Variants in RGPD3 observed in about 807,000 individuals in gnomAD.
The protein encoded by RGPD3 is RANBP2 like and GRIP domain containing 3, also known as ranBP2-like and GRIP domain-containing protein 3.
A neutral mutation model predicts 154.5 loss-of-function variants in RGPD3; 62 were observed. The observed-to-expected ratio is 0.40, with a 90% CI of 0.33 to 0.50. The LOEUF is 0.50. RGPD3 is among the 20% of genes least tolerant of loss of function. RGPD3 has a pLI of 0.59. For synonymous variants in RGPD3, 308 were observed against 607.0 expected, an observed-to-expected ratio of 0.51 and a Z score of 7.24; for missense variants, 919 against 1,716.8, an observed-to-expected ratio of 0.54 and a Z score of 8.21.
At chr2:106,438,690 T>C (rs1465728516) in intron 9 of RGPD3, among the ~76,000 whole-genome samples, 1 of 151,742 alleles carries the variant, frequency 6.6e-6, no homozygotes, top group African/African-American at 2.4e-5. Context: ...ACTGAGGCAG[T>C]AGAATTACTT....
At chr2:106,415,823 T>C (rs6543411) in intron 21 of RGPD3, 27 bp downstream of exon 21, 1,307,224 of 1,610,792 alleles carry the variant, frequency 0.81, 532,305 homozygotes, top group East Asian at 1. Context: ...TGGCAGTTTT[T>C]ATGGTGGCCA....
intron 7 of RGPD3, among the ~76,000 whole-genome samples, chr2:106,444,815 A>C (rs1677857615): frequency 2.0e-5 from 3 of 148,958 alleles, no homozygotes; most frequent in Non-Finnish European, 3.0e-5. Flanking sequence ...AGCACCTCCC[A>C]AAACTACATA....
chr2:106,412,321 T>TTTTG (rs1676699510), intron 22 of RGPD3, among the ~76,000 whole-genome samples: 2 of 100,026 alleles, frequency 2.0e-5, no homozygotes, highest in African/African-American at 3.5e-5. Context: ...TTTTTTTTTT[T>TTTTG]TTTTTTTTTT....
chr2:106,411,632 T>C (rs1676674412), intron 22 of RGPD3, among the ~76,000 whole-genome samples: 2 of 150,930 alleles, frequency 1.3e-5, no homozygotes, highest in Non-Finnish European at 3.0e-5. Flanking sequence ...ATTGAGACCA[T>C]CCTGGCCAAC....
chr2:106,422,826 G>C (rs1232632515), intron 20 of RGPD3, among the ~76,000 whole-genome samples: 2 of 151,822 alleles, frequency 1.3e-5, no homozygotes, highest in Non-Finnish European at 2.9e-5. Flanking sequence ...CATGATAGAA[G>C]TATCTTCCAG....
intron 1 of RGPD3, 37 bp downstream of exon 1, chr2:106,468,180 C>T (rs1678702049): frequency 1.3e-6 from 2 of 1,577,578 alleles, no homozygotes. Context: ...GCCGCCCGGC[C>T]AGGTCGAGGC....
At chr2:106,410,207 G>C (rs113017590) in intron 22 of RGPD3, among the ~76,000 whole-genome samples, 1 of 151,996 alleles carries the variant, frequency 6.6e-6, no homozygotes, top group South Asian at 2.1e-4. Context: ...AAAATGTAAG[G>C]TATCTAAATC....
At chr2:106,409,616 A>G (rs534589442) in intron 22 of RGPD3, among the ~76,000 whole-genome samples, 18 of 151,948 alleles carry the variant, frequency 1.2e-4, no homozygotes, top group African/African-American at 4.3e-4. Flanking sequence ...CTCTTATGTG[A>G]CTAGAAGTAG....
intron 20 of RGPD3, among the ~76,000 whole-genome samples, chr2:106,417,997 C>A (rs1676866814): frequency 6.8e-6 from 1 of 146,378 alleles, no homozygotes; most frequent in African/African-American, 2.5e-5. Flanking sequence ...GGCACAGTGG[C>A]AGGTGCCTGT....
Position 106,415,800 on chromosome 2 carries a change from C to T in RGPD3, c.5064+50G>A, listed in dbSNP as rs1384321908. The stretch of plus-strand genomic sequence containing the variant: ...CTTGGGTACATGTGTATGGAGGGTC[C>T]AGAAAACCAAACTGGCAGTTTTTAT... On this transcript the variant is annotated intron_variant, in intron 21 of 22. Transcript: ENST00000409886. The T allele has an allele frequency of 2.5e-6, 4 of 1,610,822 alleles. No homozygotes were observed. In the African/African-American group the frequency reaches 4.0e-5, roughly 16 times the overall value.
chr2:106,465,096 C>G (rs1028060142), intron 1 of RGPD3, among the ~76,000 whole-genome samples: 1 of 151,484 alleles, frequency 6.6e-6, no homozygotes, highest in African/African-American at 2.4e-5. Context: ...GACGCATCAT[C>G]ACACTCCAAA....
rs559737490 is a variant in RGPD3 at position 106,404,204 on chromosome 2, C to G, written c.*1015G>C. Among the ~76,000 whole-genome samples the G allele has an allele frequency of 5.3e-3, 798 of 150,236 alleles. 19 individuals carry two copies. The highest frequency in any genetic ancestry group is 0.019 in the African/African-American group (756 of 39,832). On this transcript the variant is annotated 3_prime_UTR_variant, in exon 23 of 23. Transcript: ENST00000409886. The stretch of plus-strand genomic sequence containing the variant: ...GATTCAATGCTGAGTGATATAGTCA[C>G]TGTTGGGATAGGTTTTTATTTGGGA...
At chr2:106,420,336 G>C (rs1275055897) in intron 20 of RGPD3, among the ~76,000 whole-genome samples, 1 of 151,038 alleles carries the variant, frequency 6.6e-6, no homozygotes, top group African/African-American at 2.4e-5. Flanking sequence ...AATGCAAAGG[G>C]CAAAAAATTA....
intron 3 of RGPD3, 105 bp from the exon 4 acceptor site, chr2:106,457,228 C>A (rs1387570777): frequency 6.7e-7 from 1 of 1,485,134 alleles, no homozygotes; most frequent in Non-Finnish European, 8.9e-7. Context: ...ATTATCACTC[C>A]AACCCTTAAA....
chr2:106,470,918 A>G (rs1172105272), upstream of RGPD3: 1 of 1,575,620 alleles, frequency 6.3e-7, no homozygotes, highest in African/African-American at 1.4e-5. Context: ...GCAGTCCAGG[A>G]ATAAAAACCT....
At chr2:106,434,098 C>T (rs1486045828) in intron 15 of RGPD3, 130 bp downstream of exon 15, 12 of 1,494,330 alleles carry the variant, frequency 8.0e-6, no homozygotes, top group Middle Eastern at 2.5e-4. Flanking sequence ...TAGACACACA[C>T]ATCCCTTCTG....
At chr2:106,449,743 C>T (rs1487935172) in intron 6 of RGPD3, among the ~76,000 whole-genome samples, 5 of 151,170 alleles carry the variant, frequency 3.3e-5, no homozygotes, top group Admixed American at 6.6e-5. Flanking sequence ...ACCAGCCGGG[C>T]GCGGTGGCTC....
intron 20 of RGPD3, among the ~76,000 whole-genome samples, chr2:106,420,535 C>T (rs1370892689): frequency 6.6e-6 from 1 of 152,166 alleles, no homozygotes; most frequent in African/African-American, 2.4e-5. Flanking sequence ...TAAAACCTCA[C>T]AAGGTGGCTA....
Position 106,404,182 on chromosome 2 carries a change from T to C in RGPD3, c.*1037A>G, listed in dbSNP as rs1802990. On this transcript the variant is annotated 3_prime_UTR_variant, in exon 23 of 23. Transcript: ENST00000409886. The stretch of plus-strand genomic sequence containing the variant: ...GAAAGCACCACTTTTATATTTAGAT[T>C]CAATGCTGAGTGATATAGTCACTGT... Among the ~76,000 whole-genome samples the C allele has an allele frequency of 0.11, 10,046 of 92,606 alleles. 24 individuals carry two copies. The highest frequency in any genetic ancestry group is 0.13 in the Non-Finnish European group (4,841 of 38,718). 60.8% of individuals were successfully genotyped at this position (92,606 alleles called of 152,430 possible).
Sources: gnomAD v4.1 joint callset for allele counts (sites outside exome capture counted in the v4.1 genomes callset) on GRCh38, gnomAD v4.1.1 for gene constraint, MANE v1.5 for transcripts, NCBI Gene and HGNC (gene_info 2026-07-23, HGNC 2026-07-21) for gene names.